Variants in HAO1 observed in about 807,000 individuals in gnomAD.
HAO1 encodes 2-Hydroxyacid oxidase 1.
Under a neutral mutation model 39.7 loss-of-function variants are expected in HAO1, and 34 were observed. The observed-to-expected ratio is 0.86, with a 90% confidence interval of 0.65 to 1.14. The LOEUF (loss-of-function observed/expected upper bound fraction) is 1.14. HAO1 is among the 50% of genes most tolerant of loss of function. The pLI, the probability that HAO1 is intolerant of heterozygous loss-of-function variation, is 0.00. For missense variants in HAO1, 479 were observed against 464.5 expected (o/e 1.03, Z -0.29); for synonymous variants, 172 against 173.2 (o/e 0.99, Z 0.05).
At chr20:7,896,020 C>G (rs566511973) in intron 4 of HAO1, among the ~76,000 whole-genome samples, 399 of 151,610 alleles carry the variant, frequency 2.6e-3, no homozygotes, top group Non-Finnish European at 4.8e-3. Flanking sequence ...TGCAGTGAGC[C>G]AAGATTGCAC....
intron 3 of HAO1, among the ~76,000 whole-genome samples, chr20:7,910,408 T>C (rs755696484): frequency 6.6e-6 from 1 of 152,178 alleles, no homozygotes; most frequent in Non-Finnish European, 1.5e-5. Flanking sequence ...ATGAAGGTAT[T>C]ATATTACAGT....
At position 7,884,721 on chromosome 20, in the gene HAO1, C is replaced by T. The variant is rs577356463; in HGVS notation, c.1042+800G>A. Among the ~76,000 whole-genome samples, 55 of 152,174 alleles carry T rather than the reference C, an allele frequency of 3.6e-4. 3 individuals carry two copies. The South Asian group carries it at 7.5e-3, about 21-fold the overall frequency. On this transcript the variant is annotated intron_variant, in intron 7 of 7. Transcript: ENST00000378789. ...GTAGAAGTTGGGATCAGAAAGATGACGGGAGTCAAACCATATGAGGCCTTG... is the reference window on the plus strand; with the variant it reads ...GTAGAAGTTGGGATCAGAAAGATGATGGGAGTCAAACCATATGAGGCCTTG...
Position 7,895,123 on chromosome 20 carries a change from C to T in HAO1, c.813+10G>A, listed in dbSNP as rs760573932. ...TCCAAAAGGAAATCTTAGCGTCTGC[C>T]AAAACTCACAGTGGCTGGCACCCCA... On this transcript the variant is annotated intron_variant, in intron 5 of 7. Coordinates refer to ENST00000378789, the MANE Select transcript of HAO1 (RefSeq NM_017545.3). The T allele has an allele frequency of 6.3e-7, 1 of 1,575,456 alleles. No homozygotes were observed. The highest frequency in any genetic ancestry group is 1.3e-5 in the African/African-American group (1 of 74,144).
chr20:7,895,157 T>G lies in HAO1; in HGVS notation c.789A>C (p.Arg263=). ...CAGTGGCTGGCACCCCATCGAGTTG[T>G]CGAGCCCCATGATTCGACACCAAGA... The part of the protein sequence containing the change: ...NGILVSNHGA[R]QLDGVPATID... Residue 263 remains arginine (R), a synonymous_variant, in exon 5 of 8, where the codon CGA becomes CGC. Transcript: ENST00000378789. 1 of 1,612,110 alleles carries G rather than the reference T, an allele frequency of 6.2e-7. No homozygotes were observed. The highest frequency in any genetic ancestry group is 8.5e-7 in the Non-Finnish European group (1 of 1,178,346).
intron 4 of HAO1, among the ~76,000 whole-genome samples, chr20:7,903,109 C>A (rs1482477602): frequency 6.6e-6 from 1 of 152,186 alleles, no homozygotes; most frequent in African/African-American, 2.4e-5. Flanking sequence ...ACTGGCCCTG[C>A]CACTGCTCCC....
At chr20:7,935,316 A>G (rs1297800928) in intron 1 of HAO1, among the ~76,000 whole-genome samples, 1 of 152,206 alleles carries the variant, frequency 6.6e-6, no homozygotes, top group Non-Finnish European at 1.5e-5. Context: ...AGCCACTACA[A>G]ACATTCACGT....
intron 5 of HAO1, among the ~76,000 whole-genome samples, chr20:7,890,980 T>A (rs926734931): frequency 1.3e-5 from 2 of 152,216 alleles, no homozygotes; most frequent in Admixed American, 6.5e-5. Context: ...CACGACTTTG[T>A]AATCGTGAAC....
chr20:7,919,784 C>T (rs2050322794), intron 2 of HAO1, among the ~76,000 whole-genome samples: 1 of 152,082 alleles, frequency 6.6e-6, no homozygotes, highest in Non-Finnish European at 1.5e-5. Context: ...TTCTGGATAG[C>T]TTTGTATGTA....
At position 7,883,637 on chromosome 20, in the gene HAO1, T is replaced by C. The variant is rs34249643; in HGVS notation, c.1069A>G (p.Lys357Glu). 0.019 allele frequency: 31,021 copies of C among 1,612,454 alleles called. 395 individuals are homozygous for C. Among genetic ancestry groups the C allele is most frequent in the Middle Eastern group, 0.025 (153 of 6,056 alleles). The part of the protein sequence containing the change: ...SGCQNVKVID[K>E]TLVRKNPLAV... ...AAAGGATTTTTCCTCACCAATGTCTTGTCGATGACTTTCACATTCTGGCAC... is the reference window on the plus strand; with the variant it reads ...AAAGGATTTTTCCTCACCAATGTCTCGTCGATGACTTTCACATTCTGGCAC... The change falls in exon 8 of 8, where the codon AAG becomes GAG. Residue 357 changes from lysine (K) to glutamate (E), a missense_variant. Transcript: ENST00000378789.
intron 5 of HAO1, 138 bp downstream of exon 5, chr20:7,894,995 A>G (rs1256119146): frequency 4.7e-6 from 3 of 640,380 alleles, no homozygotes; most frequent in Admixed American, 4.8e-5. Context: ...TTAAAATCCA[A>G]GATCTCACAT....
chr20:7,895,128 C>T lies in HAO1; in HGVS notation c.813+5G>A. ...AAGGAAATCTTAGCGTCTGCCAAAA[C>T]TCACAGTGGCTGGCACCCCATCGAG... On this transcript the variant is annotated splice_donor_5th_base_variant and intron_variant, in intron 5 of 7. Transcript: ENST00000378789. 4 of 1,587,818 alleles carry T rather than the reference C, an allele frequency of 2.5e-6. No individual in the cohort carries two copies. The highest frequency in any genetic ancestry group is 3.5e-6 in the Non-Finnish European group (4 of 1,156,014).
chr20:7,906,312 G>A lies in HAO1; in HGVS notation c.563C>T (p.Thr188Ile). 1 of 1,602,038 alleles carries A rather than the reference G, an allele frequency of 6.2e-7. No homozygotes were observed. Among genetic ancestry groups the A allele is most frequent in the South Asian group, 1.1e-5 (1 of 89,636 alleles). The change falls in exon 4 of 8, where the codon ACC (threonine) becomes ATC (isoleucine). Residue 188 changes from threonine (T) to isoleucine (I), a missense_variant. Coordinates refer to ENST00000378789, the MANE Select transcript of HAO1 (RefSeq NM_017545.3). Reference sequence around the variant, plus strand: ...CTCAGGAGAAAATGATAAAGTACTGGTTTCAAAATTTTTCATCCTAAAATA... The same window carrying A: ...CTCAGGAGAAAATGATAAAGTACTGATTTCAAAATTTTTCATCCTAAAATA... ...PPQLRMKNFE[T>I]STLSFSPEEN...
intron 2 of HAO1, among the ~76,000 whole-genome samples, chr20:7,916,117 T>G (rs1049206731): frequency 2.0e-5 from 3 of 151,934 alleles, no homozygotes; most frequent in Non-Finnish European, 4.4e-5. Flanking sequence ...TAACTAATAG[T>G]TTTAGAGGGT....
intron 4 of HAO1, among the ~76,000 whole-genome samples, chr20:7,900,694 G>C (rs1437962618): frequency 6.6e-6 from 1 of 152,076 alleles, no homozygotes; most frequent in Non-Finnish European, 1.5e-5. Flanking sequence ...CCTATTCCCT[G>C]AGAAGCAACA....
In HAO1 at chr20:7,940,339, C is replaced by T. The variant is rs33931524; in HGVS notation, c.84G>A (p.Arg28=). Residue 28 remains arginine, a synonymous_variant, in exon 1 of 8, where the codon AGG becomes AGA. Coordinates refer to ENST00000378789, the MANE Select transcript of HAO1 (RefSeq NM_017545.3). ...VLPKSIYDYY[R]SGANDEETLA... ...AAGTTTCTTCATCATTTGCCCCAGA[C>T]CTGTAATAGTCATATATAGACTTTG... The T allele has an allele frequency of 7.9e-3, 12,749 of 1,611,074 alleles. 403 individuals carry two copies. The African/African-American group carries it at 0.096, about 12-fold the overall frequency.
intron 3 of HAO1, among the ~76,000 whole-genome samples, chr20:7,906,767 A>G (rs1239524984): frequency 6.6e-5 from 10 of 152,316 alleles, no homozygotes; most frequent in African/African-American, 2.4e-4. Flanking sequence ...ATTTTTCTTT[A>G]AAAGACTCTT....
intron 4 of HAO1, among the ~76,000 whole-genome samples, chr20:7,905,239 C>A (rs1349061381): frequency 1.3e-5 from 2 of 149,174 alleles, no homozygotes; most frequent in Non-Finnish European, 2.9e-5. Flanking sequence ...TTAAATGCTG[C>A]ACTGGGCTTA....
At chr20:7,902,539 T>A (rs2050225631) in intron 4 of HAO1, among the ~76,000 whole-genome samples, 1 of 152,182 alleles carries the variant, frequency 6.6e-6, no homozygotes, top group African/African-American at 2.4e-5. Context: ...AAACATAACT[T>A]TCATATGCAC....
At chr20:7,903,846 AGATTGTGGTAGCGGT>A (rs2122765645) in intron 4 of HAO1, among the ~76,000 whole-genome samples, 1 of 46,554 alleles carries the variant, frequency 2.1e-5, no homozygotes, top group South Asian at 7.8e-4. Context: ...CTGGTAATGG[AGATTGTGGTAGCGGT>A]GGTGGTGGTG....
Sources: gnomAD v4.1 joint callset for allele counts (sites outside exome capture counted in the v4.1 genomes callset) on GRCh38, gnomAD v4.1.1 for gene constraint, MANE v1.5 for transcripts, NCBI Gene and HGNC (gene_info 2026-07-23, HGNC 2026-07-21) for gene names.